RNF138: variants seen among roughly 807,000 people sequenced by gnomAD.
The protein encoded by RNF138 is E3 ubiquitin-protein ligase RNF138.
Under a neutral mutation model 31.0 loss-of-function variants are expected in RNF138, and 12 were observed. The ratio of observed to expected loss-of-function variants is 0.39; its 90% CI spans 0.25 to 0.63. The LOEUF (loss-of-function observed/expected upper bound fraction) is 0.63, where lower values mean the gene tolerates loss of function less well. RNF138 is among the 20% of genes least tolerant of loss of function. The probability of loss-of-function intolerance (pLI) is 0.52; values close to 1 mark genes in which losing one functional copy is unlikely to be tolerated. For synonymous variants in RNF138, 105 were observed against 99.5 expected, an observed-to-expected ratio of 1.06 and a Z score of -0.33; for missense variants, 192 against 300.1, an observed-to-expected ratio of 0.64 and a Z score of 2.66.
At chr18:32,118,887 T>C (rs780868035) in intron 4 of RNF138, among the ~76,000 whole-genome samples, 6 of 152,290 alleles carry the variant, frequency 3.9e-5, no homozygotes, top group Non-Finnish European at 7.4e-5. Flanking sequence ...ATTGCAGATA[T>C]TTTTGTTTAG....
At chr18:32,093,921 G>A (rs944084617) in intron 2 of RNF138, among the ~76,000 whole-genome samples, 7 of 152,066 alleles carry the variant, frequency 4.6e-5, no homozygotes, top group African/African-American at 1.7e-4. Flanking sequence ...AAGAATGTTC[G>A]GGCAGGTGGG....
intron 2 of RNF138, among the ~76,000 whole-genome samples, chr18:32,110,685 C>T (rs1261639792): frequency 6.6e-6 from 1 of 152,070 alleles, no homozygotes; most frequent in Non-Finnish European, 1.5e-5. Context: ...AACTGGTTCT[C>T]TTGAAAGCAA....
intron 3 of RNF138, among the ~76,000 whole-genome samples, chr18:32,113,366 AAT>A (rs1424646261): frequency 2.3e-5 from 2 of 85,672 alleles, no homozygotes; most frequent in Non-Finnish European, 4.9e-5. Flanking sequence ...CCAGGAACTT[AAT>A]TTTTTTTTAA....
At chr18:32,093,368 A>G (rs1253519674) in intron 2 of RNF138, among the ~76,000 whole-genome samples, 4 of 152,130 alleles carry the variant, frequency 2.6e-5, no homozygotes, top group South Asian at 2.1e-4. Context: ...CCTGCTTTCA[A>G]GTTTCCTCTT....
chr18:32,096,906 A>T (rs60139696), intron 2 of RNF138, among the ~76,000 whole-genome samples: 13 of 152,170 alleles, frequency 8.5e-5, no homozygotes, highest in South Asian at 4.1e-4. Context: ...ATTAAAAAAA[A>T]TTTTTTTGTA....
intron 5 of RNF138, chr18:32,124,180 A>G (rs2040350527): frequency 6.5e-6 from 1 of 152,994 alleles, no homozygotes; most frequent in African/African-American, 2.4e-5. Flanking sequence ...ATTAAAACTC[A>G]GTGATGCTTG....
In RNF138 at chr18:32,130,736, C is replaced by A. The variant is rs945396472; in HGVS notation, c.*1549C>A. 1 of 152,002 alleles carries A rather than the reference C, an allele frequency of 6.6e-6. No homozygotes were observed. The highest frequency in any genetic ancestry group is 1.5e-5 in the Non-Finnish European group (1 of 67,770). 9.4% of individuals were successfully genotyped at this position (152,002 alleles called of 1,614,324 possible). A position where few individuals can be genotyped will look rare whatever the true frequency, so the allele number is the denominator to read the frequency against. On this transcript the variant is annotated 3_prime_UTR_variant, in exon 8 of 8. Coordinates refer to ENST00000261593, the MANE Select transcript of RNF138 (RefSeq NM_016271.5). The stretch of plus-strand genomic sequence containing the variant: ...TTTGGAAGTGCAGTTTTGTAAAAAC[C>A]TTTTTCAGTCAAACAGTAAAGACTT...
chr18:32,127,005 A>G (rs2040394896), intron 7 of RNF138, among the ~76,000 whole-genome samples: 1 of 152,182 alleles, frequency 6.6e-6, no homozygotes, highest in African/African-American at 2.4e-5. Context: ...CACCTCCTGT[A>G]CTAGAGAGAG....
At chr18:32,107,277 C>T (rs535632333) in intron 2 of RNF138, among the ~76,000 whole-genome samples, 14 of 151,064 alleles carry the variant, frequency 9.3e-5, no homozygotes, top group Admixed American at 7.9e-4. Context: ...CACGCTGCCA[C>T]GCCCAGCTAA....
chr18:32,127,787 G>T (rs1163867048), intron 7 of RNF138, among the ~76,000 whole-genome samples: 1 of 152,204 alleles, frequency 6.6e-6, no homozygotes, highest in African/African-American at 2.4e-5. Context: ...CCATAGAAAA[G>T]TAGGTAATCT....
chr18:32,124,628 A>C, intron 5 of RNF138, 106 bp from the exon 6 acceptor site: 1 of 648,634 alleles, frequency 1.5e-6, no homozygotes, highest in Non-Finnish European at 2.8e-6. Context: ...ATAGTCTAAT[A>C]ATTATAACTT....
chr18:32,128,100 C>T (rs887093207), intron 7 of RNF138, among the ~76,000 whole-genome samples: 1 of 147,050 alleles, frequency 6.8e-6, no homozygotes, highest in African/African-American at 2.5e-5. Context: ...AGTAGGTGAT[C>T]TAATTATTTC....
intron 2 of RNF138, among the ~76,000 whole-genome samples, chr18:32,093,696 G>A (rs1041170571): frequency 3.3e-5 from 5 of 152,194 alleles, no homozygotes; most frequent in South Asian, 2.1e-4. Flanking sequence ...GAACACAAAG[G>A]GGTTGGGTGA....
intron 6 of RNF138, among the ~76,000 whole-genome samples, chr18:32,126,449 T>A (rs1287022209): frequency 1.3e-5 from 2 of 152,212 alleles, no homozygotes. Context: ...GTTTTTCTGT[T>A]GAAACATTTG....
At chr18:32,108,073 T>G (rs1165799337) in intron 2 of RNF138, among the ~76,000 whole-genome samples, 1 of 151,936 alleles carries the variant, frequency 6.6e-6, no homozygotes, top group Non-Finnish European at 1.5e-5. Context: ...CAGGCTGGTC[T>G]TGACCTCCTG....
chr18:32,110,655 G>T (rs16962689), intron 2 of RNF138, among the ~76,000 whole-genome samples: 26 of 152,246 alleles, frequency 1.7e-4, no homozygotes, highest in African/African-American at 6.3e-4. Flanking sequence ...CTAGATCCCA[G>T]ATATATATGT....
At chr18:32,092,568 G>C (rs1300530791) in intron 1 of RNF138, 132 bp from the exon 2 acceptor site, 1 of 559,240 alleles carries the variant, frequency 1.8e-6, no homozygotes, top group Non-Finnish European at 3.2e-6. Context: ...GCCGTGGGAG[G>C]GGTCGCCTCT....
At chr18:32,093,256 T>C (rs1281672908) in intron 2 of RNF138, among the ~76,000 whole-genome samples, 10 of 152,150 alleles carry the variant, frequency 6.6e-5, no homozygotes, top group African/African-American at 2.4e-4. Context: ...TGCAGGGATC[T>C]TGGAGCCTTT....
At chr18:32,092,489 G>A in intron 1 of RNF138, 1 of 407,526 alleles carries the variant, frequency 2.5e-6, no homozygotes, top group Non-Finnish European at 4.5e-6. Context: ...GAGCGGGGCG[G>A]GCCCACGGCA....
Sources: gnomAD v4.1 joint callset for allele counts (sites outside exome capture counted in the v4.1 genomes callset) on GRCh38, gnomAD v4.1.1 for gene constraint, MANE v1.5 for transcripts, NCBI Gene and HGNC (gene_info 2026-07-23, HGNC 2026-07-21) for gene names.